Variants in PIK3C3 observed in about 807,000 individuals in gnomAD.
PIK3C3 encodes phosphatidylinositol 3-kinase catalytic subunit type 3.
PIK3C3 carries 95 observed loss-of-function variants against 126.1 expected under a neutral mutation model. The ratio of observed to expected loss-of-function variants is 0.75; its 90% CI spans 0.64 to 0.89. PIK3C3 has a LOEUF of 0.89. Ranked by LOEUF, PIK3C3 falls within the 40% of genes least tolerant of loss-of-function variation. PIK3C3 has a pLI of 0.00. For synonymous variants in PIK3C3, 374 were observed against 360.0 expected (o/e 1.04, Z -0.44); for missense variants, 829 against 1,063.2 (o/e 0.78, Z 3.06).
At chr18:42,009,002 G>T (rs1982678093) in intron 10 of PIK3C3, among the ~76,000 whole-genome samples, 1 of 152,038 alleles carries the variant, frequency 6.6e-6, no homozygotes, top group Admixed American at 6.6e-5. Flanking sequence ...AATAGATTGA[G>T]CAGCACTCCG....
chr18:41,971,230 T>C (rs961956294), intron 4 of PIK3C3: 2 of 152,196 alleles, frequency 1.3e-5, no homozygotes, highest in African/African-American at 2.4e-5. Flanking sequence ...CTTGTAGTTA[T>C]AATACATACT....
At chr18:42,031,008 T>G (rs1983798980) in intron 15 of PIK3C3, among the ~76,000 whole-genome samples, 1 of 152,202 alleles carries the variant, frequency 6.6e-6, no homozygotes, top group Admixed American at 6.5e-5. Context: ...CCATCCCAAG[T>G]ATAGTTTCAG....
chr18:42,001,242 T>C (rs1194328449), intron 9 of PIK3C3, among the ~76,000 whole-genome samples: 3 of 152,208 alleles, frequency 2.0e-5, no homozygotes, highest in East Asian at 1.9e-4. Flanking sequence ...CTATTTACTA[T>C]AGGATACTGT....
At chr18:42,031,043 A>T (rs1191440780) in intron 15 of PIK3C3, among the ~76,000 whole-genome samples, 1 of 152,194 alleles carries the variant, frequency 6.6e-6, no homozygotes, top group African/African-American at 2.4e-5. Flanking sequence ...CTTTATAGGC[A>T]TTTTATCATG....
Position 42,001,248 on chromosome 18 carries a change from A to T in PIK3C3, c.985-3108A>T, listed in dbSNP as rs527846679. Among the ~76,000 whole-genome samples, 597 of 152,336 alleles carry T rather than the reference A, an allele frequency of 3.9e-3. 3 individuals are homozygous for T. Among genetic ancestry groups the T allele is most frequent in the African/African-American group, 0.013 (561 of 41,578 alleles). ...GATAATAAACTATTTACTATAGGATACTGTTACAAACATTTTACATTCATT... is the reference window on the plus strand; with the variant it reads ...GATAATAAACTATTTACTATAGGATTCTGTTACAAACATTTTACATTCATT... On this transcript the variant is annotated intron_variant, in intron 9 of 24. Coordinates refer to ENST00000262039, the MANE Select transcript of PIK3C3 (RefSeq NM_002647.4).
At chr18:42,015,941 C>CTCTAATATCTTTTTTA (rs1983054502) in intron 12 of PIK3C3, among the ~76,000 whole-genome samples, 1 of 152,084 alleles carries the variant, frequency 6.6e-6, no homozygotes, top group Admixed American at 6.6e-5. Flanking sequence ...AGAGTTAATA[C>CTCTAATATCTTTTTTA]ACTAAGCAAC....
At chr18:42,004,627 G>A in intron 10 of PIK3C3, 86 bp downstream of exon 10, 1 of 1,038,214 alleles carries the variant, frequency 9.6e-7, no homozygotes, top group Admixed American at 3.0e-5. Flanking sequence ...GTGTGTGAGA[G>A]TGAGAGAGAG....
At chr18:41,972,882 G>T (rs1466382327) in intron 4 of PIK3C3, among the ~76,000 whole-genome samples, 1 of 152,050 alleles carries the variant, frequency 6.6e-6, no homozygotes, top group East Asian at 1.9e-4. Flanking sequence ...CTATTGAAGA[G>T]AAATGTTTTA....
intron 12 of PIK3C3, among the ~76,000 whole-genome samples, chr18:42,016,126 A>G (rs1983062918): frequency 6.6e-6 from 1 of 152,148 alleles, no homozygotes; most frequent in African/African-American, 2.4e-5. Context: ...TCTGATGTTG[A>G]AAACAAGTAA....
intron 9 of PIK3C3, among the ~76,000 whole-genome samples, chr18:41,997,657 A>G (rs1011067225): frequency 3.3e-5 from 5 of 152,222 alleles, no homozygotes; most frequent in Non-Finnish European, 7.4e-5. Context: ...AACAGATACT[A>G]TGTACCAGGA....
Position 42,062,967 on chromosome 18 carries a change from GA to G in PIK3C3, c.2433-1772del, listed in dbSNP as rs574373815. On this transcript the variant is annotated intron_variant, in intron 22 of 24. Transcript: ENST00000262039. ...CTATTTCATCTCCAAAATATAGCCT[GA>G]TAACCCCCATGTTGGTTCCTGTCCA... Among the ~76,000 whole-genome samples the G allele has an allele frequency of 3.2e-3, 482 of 152,158 alleles. 1 individual carries two copies. The highest frequency in any genetic ancestry group is 5.3e-3 in the Non-Finnish European group (358 of 68,008).
intron 21 of PIK3C3, among the ~76,000 whole-genome samples, chr18:42,054,132 AT>A (rs1984931415): frequency 1.5e-4 from 3 of 20,246 alleles, no homozygotes; most frequent in African/African-American, 1.1e-3. Context: ...AATGGTATAT[AT>A]ATATATATAT....
intron 21 of PIK3C3, among the ~76,000 whole-genome samples, chr18:42,053,381 C>T (rs1047329940): frequency 6.6e-6 from 1 of 152,066 alleles, no homozygotes; most frequent in Non-Finnish European, 1.5e-5. Context: ...CAGCAGAGGG[C>T]GCTGTGTATC....
At chr18:41,984,520 T>G (rs558785821) in intron 4 of PIK3C3, among the ~76,000 whole-genome samples, 15 of 152,278 alleles carry the variant, frequency 9.9e-5, no homozygotes, top group African/African-American at 3.6e-4. Flanking sequence ...TAAACGGCTT[T>G]ATGGTTTGAA....
rs144627135 is a variant in PIK3C3 at position 41,962,630 on chromosome 18, C to T, written c.399C>T (p.Tyr133=). The T allele has an allele frequency of 6.0e-5, 97 of 1,608,804 alleles. 1 individual carries two copies. Among genetic ancestry groups the T allele is most frequent in the East Asian group, 1.8e-4 (8 of 44,690 alleles). The change falls in exon 3 of 25, where the codon TAC becomes TAT. Residue 133 remains tyrosine, a splice_region_variant and synonymous_variant. Transcript: ENST00000262039. The part of the protein sequence containing the change: ...GGTTVSLFGK[Y]GMFRQGMHDL... The stretch of plus-strand genomic sequence containing the variant: ...CAACGGTTTCGCTCTTTGGAAAATA[C>T]GGGTAAGCATTCTGTTGGTCTCATC...
chr18:42,035,930 G>A (rs1984030208), intron 16 of PIK3C3, among the ~76,000 whole-genome samples: 1 of 152,098 alleles, frequency 6.6e-6, no homozygotes, highest in African/African-American at 2.4e-5. Context: ...AAGGCACTGG[G>A]ATAAGTGCAT....
In PIK3C3 at chr18:42,084,354, G is replaced by A. The variant is rs1198458010; in HGVS notation, c.*3217G>A. The A allele has an allele frequency of 6.6e-6, 1 of 152,072 alleles. No homozygotes were observed. Among genetic ancestry groups the A allele is most frequent in the African/African-American group, 2.4e-5 (1 of 41,406 alleles). 9.4% of individuals were successfully genotyped at this position (152,072 alleles called of 1,614,324 possible). Reference sequence around the variant, plus strand: ...TTGAACACCTTGAGAATAAACTTTAGTGCCAAATGGAAAATAATTTTTTAC... The same window carrying A: ...TTGAACACCTTGAGAATAAACTTTAATGCCAAATGGAAAATAATTTTTTAC... On this transcript the variant is annotated 3_prime_UTR_variant, in exon 25 of 25. Coordinates refer to ENST00000262039, the MANE Select transcript of PIK3C3 (RefSeq NM_002647.4).
At chr18:42,077,799 C>A (rs368682780) in intron 24 of PIK3C3, among the ~76,000 whole-genome samples, 1 of 152,282 alleles carries the variant, frequency 6.6e-6, no homozygotes, top group East Asian at 1.9e-4. Flanking sequence ...AATGGTGAAT[C>A]CTTTCCAGTA....
chr18:42,007,143 C>G (rs980096124), intron 10 of PIK3C3, among the ~76,000 whole-genome samples: 2 of 152,162 alleles, frequency 1.3e-5, no homozygotes, highest in African/African-American at 4.8e-5. Context: ...GCTGGGATTA[C>G]AGGCATGAGC....
Sources: gnomAD v4.1 joint callset for allele counts (sites outside exome capture counted in the v4.1 genomes callset) on GRCh38, gnomAD v4.1.1 for gene constraint, MANE v1.5 for transcripts, NCBI Gene and HGNC (gene_info 2026-07-23, HGNC 2026-07-21) for gene names.